Variants in STRIP2 observed in about 807,000 individuals in gnomAD.
The protein encoded by STRIP2 is striatin-interacting protein 2.
In STRIP2, 84 loss-of-function variants were observed where a neutral mutation model predicts 107.1. That is an observed-to-expected ratio of 0.78 (90% CI 0.66 to 0.94). The LOEUF is 0.94. Among genes scored for constraint, STRIP2 ranks in the 40% least tolerant of loss-of-function variants. STRIP2 has a pLI of 0.00. For missense variants in STRIP2, 888 were observed against 1,034.2 expected (o/e 0.86, Z 1.94); for synonymous variants, 394 against 400.4 (o/e 0.98, Z 0.19).
chr7:129,453,470 A>G, intron 5 of STRIP2, 123 bp downstream of exon 5: 1 of 1,220,048 alleles, frequency 8.2e-7, no homozygotes, highest in Non-Finnish European at 1.1e-6. Flanking sequence ...CTCACACCTC[A>G]GCCCAAAGCT....
intron 4 of STRIP2, among the ~76,000 whole-genome samples, chr7:129,452,451 G>A (rs1798221261): frequency 6.6e-6 from 1 of 152,190 alleles, no homozygotes; most frequent in Non-Finnish European, 1.5e-5. Context: ...ATTAGGTGAA[G>A]AGAAGACTAG....
chr7:129,471,266 T>G (rs1341232341), intron 18 of STRIP2, among the ~76,000 whole-genome samples: 2 of 152,098 alleles, frequency 1.3e-5, no homozygotes, highest in African/African-American at 4.8e-5. Context: ...TATTCTTAAT[T>G]CCATGAAACT....
At chr7:129,464,496 AAG>A in intron 15 of STRIP2, 114 bp from the exon 16 acceptor site, 1 of 1,176,580 alleles carries the variant, frequency 8.5e-7, no homozygotes, top group Non-Finnish European at 1.2e-6. Context: ...ACAGAAGTTC[AAG>A]TTTCCCAAGT....
rs1235438233 is a variant in STRIP2, at chr7:129,467,343, A to C, written c.1777-7A>C. Reference sequence around the variant, plus strand: ...AGCAGCCCTTTCTGCTTTGATTTTTAATTCAGTTTGAATATGTATCGCAAC... The same window carrying C: ...AGCAGCCCTTTCTGCTTTGATTTTTCATTCAGTTTGAATATGTATCGCAAC... On this transcript the variant is annotated splice_polypyrimidine_tract_variant and splice_region_variant and intron_variant, in intron 16 of 20. Transcript: ENST00000249344. 4.4e-6 allele frequency: 7 copies of C among 1,607,334 alleles called. No individual in the cohort carries two copies. In the African/African-American group the frequency reaches 9.4e-5, roughly 22 times the overall value.
Position 129,482,371 on chromosome 7 carries a change from A to T in STRIP2, c.2050-471A>T, listed in dbSNP as rs867080059. Among the ~76,000 whole-genome samples the T allele has an allele frequency of 5.7e-4, 48 of 84,172 alleles. No homozygotes were observed. The South Asian group carries it at 9.7e-3, about 17-fold the overall frequency. 55.2% of individuals were successfully genotyped at this position (84,172 alleles called of 152,430 possible). ...TCTCTCTCTCTATATATATATATAT[A>T]TATATATTTTTTTTTTTTTTTTTTG... On this transcript the variant is annotated intron_variant, in intron 19 of 20. Coordinates refer to ENST00000249344, the MANE Select transcript of STRIP2 (RefSeq NM_020704.3).
chr7:129,456,375 A>G, intron 8 of STRIP2, 64 bp from the exon 9 acceptor site: 1 of 1,462,230 alleles, frequency 6.8e-7, no homozygotes, highest in Middle Eastern at 1.8e-4. Flanking sequence ...TGTTTCCCTG[A>G]CCTTGGCTCT....
chr7:129,458,654 C>G lies in STRIP2; in HGVS notation c.1275-58C>G. 1.3e-6 allele frequency: 2 copies of G among 1,598,224 alleles called. No homozygotes were observed. The highest frequency in any genetic ancestry group is 1.7e-6 in the Non-Finnish European group (2 of 1,166,014). The stretch of plus-strand genomic sequence containing the variant: ...GGATAGGAGCCCGGAAAGTTTTTCT[C>G]TCTCAAAGTTTGCTTTTCTTCCCTT... On this transcript the variant is annotated intron_variant, in intron 10 of 20. Transcript: ENST00000249344. The surrounding 1 kb of genome is among the most constrained non-coding windows in gnomAD (Gnocchi z 4.6).
In STRIP2 at chr7:129,461,252, A is replaced by G. The variant is rs1798525860; in HGVS notation, c.1476+880A>G. Among the ~76,000 whole-genome samples the G allele has an allele frequency of 6.6e-6, 1 of 152,230 alleles. No individual in the cohort carries two copies. Among genetic ancestry groups the G allele is most frequent in the Non-Finnish European group, 1.5e-5 (1 of 68,040 alleles). ...TGGTCATACTAAGTTTTAGATGCCC[A>G]TTAGATACCCATGTGGAGCTGCAGG... On this transcript the variant is annotated intron_variant, in intron 13 of 20. Transcript: ENST00000249344. This position sits in a 1 kb window ranked among gnomAD's most constrained non-coding sequence, Gnocchi z 4.0.
Position 129,451,744 on chromosome 7 carries a change from C to G in STRIP2, c.406C>G (p.Gln136Glu), listed in dbSNP as rs774017195. The G allele has an allele frequency of 6.2e-7, 1 of 1,612,300 alleles. No individual in the cohort carries two copies. The highest frequency in any genetic ancestry group is 1.7e-5 in the Admixed American group (1 of 59,834). The change falls in exon 4 of 21, where the codon CAA becomes GAA. Residue 136 changes from glutamine (Q) to glutamate (E), a missense_variant. Gln to Glu is a conservative substitution (Grantham distance 29). Coordinates refer to ENST00000249344, the MANE Select transcript of STRIP2 (RefSeq NM_020704.3). ...KVARAVLYLA[Q>E]GTFGECDSEV... ...GGCCCGGGCTGTTCTCTACCTGGCCCAAGGTGAGTGACCACCCTTGCTAGC... is the reference window on the plus strand; with the variant it reads ...GGCCCGGGCTGTTCTCTACCTGGCCGAAGGTGAGTGACCACCCTTGCTAGC...
chr7:129,453,592 A>G (rs1271428791), intron 5 of STRIP2, among the ~76,000 whole-genome samples: 1 of 152,186 alleles, frequency 6.6e-6, no homozygotes, highest in Non-Finnish European at 1.5e-5. Context: ...CCTGGGCTTC[A>G]GGGGCCTATC....
intron 2 of STRIP2, 132 bp from the exon 3 acceptor site, chr7:129,443,892 A>G (rs1797966869): frequency 1.4e-6 from 1 of 707,016 alleles, no homozygotes; most frequent in Non-Finnish European, 2.5e-6. Flanking sequence ...TCTGAAAAGG[A>G]GGAAGCTAGC....
intron 12 of STRIP2, among the ~76,000 whole-genome samples, 199 bp from the exon 13 acceptor site, chr7:129,460,102 A>G (rs1190281079): frequency 1.3e-5 from 2 of 152,064 alleles, no homozygotes; most frequent in Non-Finnish European, 2.9e-5. Context: ...TTTTAAAAAA[A>G]CACTGTGCAC....
chr7:129,481,919 G>A (rs1339586065), intron 19 of STRIP2, among the ~76,000 whole-genome samples: 6 of 152,182 alleles, frequency 3.9e-5, no homozygotes, highest in Admixed American at 3.9e-4. Flanking sequence ...TGTAATTCCA[G>A]CACTTCGGAA....
At chr7:129,452,378 T>C (rs1426778697) in intron 4 of STRIP2, among the ~76,000 whole-genome samples, 4 of 151,688 alleles carry the variant, frequency 2.6e-5, no homozygotes, top group Non-Finnish European at 4.4e-5. Context: ...AACCAACCAG[T>C]TGGGAGCTAA....
chr7:129,459,531 T>C lies in STRIP2; in HGVS notation c.1355T>C (p.Leu452Ser). The change falls in exon 12 of 21, where the codon TTG becomes TCG. Residue 452 changes from leucine to serine, a missense_variant. Transcript: ENST00000249344. ...GFTLGQDTDT[L>S]VGLPRPIHES... Reference sequence around the variant, plus strand: ...GCCTTTTACAGGGACACAGATACATTGGTTGGATTACCCAGGCCCATCCAT... The same window carrying C: ...GCCTTTTACAGGGACACAGATACATCGGTTGGATTACCCAGGCCCATCCAT... 1 of 1,613,988 alleles carries C rather than the reference T, an allele frequency of 6.2e-7. No homozygotes were observed. Among genetic ancestry groups the C allele is most frequent in the Non-Finnish European group, 8.5e-7 (1 of 1,179,974 alleles).
rs185843584 is a variant in STRIP2 at position 129,473,875 on chromosome 7, G to A, written c.1944+3160G>A. The stretch of plus-strand genomic sequence containing the variant: ...TGGGATTACAGGCACATGCCACCAC[G>A]CCTGGCTAATTTTTTGTATTTTTAG... On this transcript the variant is annotated intron_variant, in intron 18 of 20. Coordinates refer to ENST00000249344, the MANE Select transcript of STRIP2 (RefSeq NM_020704.3). 2.0e-3 allele frequency among the ~76,000 whole-genome samples: 301 copies of A among 151,940 alleles called. 2 individuals are homozygous for A. The highest frequency in any genetic ancestry group is 6.8e-3 in the African/African-American group (281 of 41,436).
At chr7:129,465,955 A>T (rs182888573) in intron 16 of STRIP2, among the ~76,000 whole-genome samples, 103 of 152,330 alleles carry the variant, frequency 6.8e-4, no homozygotes, top group African/African-American at 2.0e-3. Context: ...CCTATCAACC[A>T]GGGTATTTTT....
intron 7 of STRIP2, 89 bp downstream of exon 7, chr7:129,454,616 TTTTTCTTTTG>T (rs1458785293): frequency 2.5e-6 from 2 of 806,266 alleles, no homozygotes; most frequent in African/African-American, 1.8e-5. Context: ...AGACAGTCGT[TTTTTCTTTTG>T]TTTTCTTTTT....
At chr7:129,449,611 AGT>A (rs1201926163) in intron 3 of STRIP2, among the ~76,000 whole-genome samples, 3 of 152,214 alleles carry the variant, frequency 2.0e-5, no homozygotes, top group African/African-American at 7.2e-5. Context: ...TTACAAACTC[AGT>A]GTGCCCAGCT....
Sources: gnomAD v4.1 joint callset for allele counts (sites outside exome capture counted in the v4.1 genomes callset) on GRCh38, gnomAD v4.1.1 for gene constraint, Gnocchi (gnomAD v3.1) non-coding constraint, MANE v1.5 for transcripts, NCBI Gene and HGNC (gene_info 2026-07-23, HGNC 2026-07-21) for gene names.